Variants in SNTG2 observed in about 807,000 individuals in gnomAD.
The protein encoded by SNTG2 is syntrophin gamma 2.
Under a neutral mutation model 70.9 loss-of-function variants are expected in SNTG2, and 74 were observed. The ratio of observed to expected loss-of-function variants is 1.04; its 90% confidence interval spans 0.86 to 1.27. The LOEUF (loss-of-function observed/expected upper bound fraction) is 1.27, where lower values mean the gene tolerates loss of function less well. Ranked by LOEUF, SNTG2 falls within the 50% of genes most tolerant of loss-of-function variation. The pLI is 0.00. For synonymous variants in SNTG2, 278 were observed against 273.8 expected (o/e 1.02, Z -0.15); for missense variants, 717 against 690.7 (o/e 1.04, Z -0.43).
chr2:1,190,188 G>C (rs546508596), intron 8 of SNTG2, among the ~76,000 whole-genome samples: 1 of 151,850 alleles, frequency 6.6e-6, no homozygotes, highest in Non-Finnish European at 1.5e-5. Flanking sequence ...ACAGGGGATT[G>C]GTTCTAGGAC....
Position 1,229,260 on chromosome 2 carries a change from C to T in SNTG2, c.720-8628C>T, listed in dbSNP as rs1676019596. On this transcript the variant is annotated intron_variant, in intron 9 of 16. Coordinates refer to ENST00000308624, the MANE Select transcript of SNTG2 (RefSeq NM_018968.4). ...TGTTTTGACAGGGTGCTGATTGGTG[C>T]GTTTACAATCCCTGAGCTAGATACA... is the stretch of plus-strand genomic sequence containing the variant. Among the ~76,000 whole-genome samples the T allele has an allele frequency of 2.0e-5, 3 of 152,038 alleles. No individual in the cohort carries two copies. In the South Asian group the frequency reaches 6.2e-4, roughly 32 times the overall value.
chr2:954,847 A>T (rs1243754655), intron 1 of SNTG2, among the ~76,000 whole-genome samples: 1 of 152,214 alleles, frequency 6.6e-6, no homozygotes, highest in African/African-American at 2.4e-5. Flanking sequence ...CATTTTAATA[A>T]ATACTGTTAA....
chr2:1,177,664 G>C (rs1301482204), intron 8 of SNTG2, among the ~76,000 whole-genome samples: 1 of 151,216 alleles, frequency 6.6e-6, no homozygotes, highest in Non-Finnish European at 1.5e-5. Context: ...CAGCAAACGT[G>C]CTTCAAAAGA....
rs540990697 is a variant in SNTG2, at chr2:1,365,619, G to A, written c.1489-1724G>A. On this transcript the variant is annotated intron_variant, in intron 16 of 16. Coordinates refer to ENST00000308624, the MANE Select transcript of SNTG2 (RefSeq NM_018968.4). ...CTTGGCATTAGTGGTATTAGAACAA[G>A]CTTCAGGTATTCACTTCTCACAGCT... Among the ~76,000 whole-genome samples the A allele has an allele frequency of 3.9e-4, 60 of 152,226 alleles. 1 individual carries two copies. The South Asian group carries it at 9.1e-3, about 23-fold the overall frequency.
intron 4 of SNTG2, among the ~76,000 whole-genome samples, chr2:1,137,288 A>G (rs1180568227): frequency 2.0e-5 from 3 of 151,928 alleles, no homozygotes; most frequent in African/African-American, 4.8e-5. Flanking sequence ...ACGCATGCAC[A>G]CCCATCTGCA....
At chr2:1,043,652 C>T (rs757563219) in intron 1 of SNTG2, among the ~76,000 whole-genome samples, 57 of 152,260 alleles carry the variant, frequency 3.7e-4, no homozygotes, top group Non-Finnish European at 6.2e-4. Flanking sequence ...TATCCCAGCA[C>T]GATTTACTGA....
Position 1,355,689 on chromosome 2 carries a change from T to C in SNTG2, c.1489-11654T>C, listed in dbSNP as rs58654962. ...CTTGGAGATACTGATTCCATTTTCCTCGGATGCATTCCTAGAGAAGGGATT... is the reference window on the plus strand; with the variant it reads ...CTTGGAGATACTGATTCCATTTTCCCCGGATGCATTCCTAGAGAAGGGATT... On this transcript the variant is annotated intron_variant, in intron 16 of 16. Transcript: ENST00000308624. 9.5e-4 allele frequency among the ~76,000 whole-genome samples: 145 copies of C among 152,328 alleles called. 3 individuals are homozygous for C. In the East Asian group the frequency reaches 0.024, roughly 25 times the overall value.
intron 8 of SNTG2, among the ~76,000 whole-genome samples, chr2:1,195,240 C>A (rs1403023560): frequency 1.3e-5 from 2 of 152,088 alleles, no homozygotes; most frequent in Non-Finnish European, 2.9e-5. Context: ...TGTGTATATA[C>A]CCAGTAATAG....
At chr2:990,475 G>A (rs1389374893) in intron 1 of SNTG2, among the ~76,000 whole-genome samples, 2 of 152,166 alleles carry the variant, frequency 1.3e-5, no homozygotes, top group Admixed American at 6.5e-5. Context: ...GTGTCCTCTC[G>A]TGGTGGGGGA....
chr2:1,112,129 C>T (rs1379182508), intron 4 of SNTG2, among the ~76,000 whole-genome samples: 1 of 151,394 alleles, frequency 6.6e-6, no homozygotes, highest in South Asian at 2.1e-4. Flanking sequence ...ATCATGTATA[C>T]TAAGTGAGGT....
chr2:968,264 T>C (rs1660633528), intron 1 of SNTG2, among the ~76,000 whole-genome samples: 1 of 152,220 alleles, frequency 6.6e-6, no homozygotes, highest in African/African-American at 2.4e-5. Context: ...AATCCTTTGA[T>C]AAAAAGTTGT....
At chr2:1,309,930 G>A (rs1014483662) in intron 15 of SNTG2, among the ~76,000 whole-genome samples, 1 of 152,166 alleles carries the variant, frequency 6.6e-6, no homozygotes, top group African/African-American at 2.4e-5. Flanking sequence ...TCCAGTCTAG[G>A]TGACTTGCTC....
chr2:980,853 C>T (rs1661074485), intron 1 of SNTG2, among the ~76,000 whole-genome samples: 1 of 152,198 alleles, frequency 6.6e-6, no homozygotes. Context: ...AGCTTCTTTT[C>T]CCCATCCATG....
At chr2:1,294,888 C>T (rs551912465) in intron 14 of SNTG2, among the ~76,000 whole-genome samples, 2 of 152,314 alleles carry the variant, frequency 1.3e-5, no homozygotes, top group African/African-American at 2.4e-5. Context: ...TAAAACCACT[C>T]GCTAACATAA....
At chr2:1,117,212 A>G (rs1435331425) in intron 4 of SNTG2, among the ~76,000 whole-genome samples, 2 of 152,116 alleles carry the variant, frequency 1.3e-5, no homozygotes, top group Non-Finnish European at 2.9e-5. Flanking sequence ...AACATCACTC[A>G]AGATGATTGA....
intron 8 of SNTG2, among the ~76,000 whole-genome samples, chr2:1,189,703 C>T (rs185394877): frequency 3.7e-4 from 56 of 152,116 alleles, no homozygotes; most frequent in Non-Finnish European, 6.9e-4. Flanking sequence ...CACGCCAGCA[C>T]GCCCAGCTAA....
In SNTG2 at chr2:1,116,571, T is replaced by A. The variant is rs568839674; in HGVS notation, c.325+18161T>A. Among the ~76,000 whole-genome samples the A allele has an allele frequency of 2.0e-5, 3 of 150,284 alleles. No homozygotes were observed. The East Asian group carries it at 6.0e-4, about 30-fold the overall frequency. Reference sequence around the variant, plus strand: ...GTGTGTGGGTGCTCTGGTATGTGGGTGCCCTGGTGTACGGGTGCCCCGGTG... The same window carrying A: ...GTGTGTGGGTGCTCTGGTATGTGGGAGCCCTGGTGTACGGGTGCCCCGGTG... On this transcript the variant is annotated intron_variant, in intron 4 of 16. Coordinates refer to ENST00000308624, the MANE Select transcript of SNTG2 (RefSeq NM_018968.4).
At position 1,052,285 on chromosome 2, in the gene SNTG2, T is replaced by C. The variant is rs140613235; in HGVS notation, c.73-31233T>C. Among the ~76,000 whole-genome samples the C allele has an allele frequency of 2.7e-3, 411 of 152,340 alleles. 1 individual carries two copies. Among genetic ancestry groups the C allele is most frequent in the African/African-American group, 9.2e-3 (383 of 41,578 alleles). On this transcript the variant is annotated intron_variant, in intron 1 of 16. Transcript: ENST00000308624. Reference sequence around the variant, plus strand: ...AAATAATTTTAATACTAAGTTCAACTTTTAAGTTACGTACAGGAATATTTA... The same window carrying C: ...AAATAATTTTAATACTAAGTTCAACCTTTAAGTTACGTACAGGAATATTTA...
At chr2:1,000,942 A>C (rs1401467794) in intron 1 of SNTG2, among the ~76,000 whole-genome samples, 1 of 151,938 alleles carries the variant, frequency 6.6e-6, no homozygotes, top group Non-Finnish European at 1.5e-5. Flanking sequence ...ATGAGTTTTA[A>C]CTCCAGAAAT....
Sources: gnomAD v4.1 joint callset for allele counts (sites outside exome capture counted in the v4.1 genomes callset) on GRCh38, gnomAD v4.1.1 for gene constraint, MANE v1.5 for transcripts, NCBI Gene and HGNC (gene_info 2026-07-23, HGNC 2026-07-21) for gene names.